Variants in CNKSR2 observed in about 807,000 individuals in gnomAD.
CNKSR2 encodes the protein CNK homolog protein 2.
A neutral mutation model predicts 84.4 loss-of-function variants in CNKSR2; 14 were observed. The ratio of observed to expected loss-of-function variants is 0.17; its 90% CI spans 0.11 to 0.26. The LOEUF is 0.26. Among genes scored for constraint, CNKSR2 ranks in the 10% least tolerant of loss-of-function variants. The probability of loss-of-function intolerance (pLI) is 1.00; values close to 1 mark genes in which losing one functional copy is unlikely to be tolerated. For synonymous variants in CNKSR2, 275 were observed against 277.9 expected, an observed-to-expected ratio of 0.99 and a Z score of 0.10; for missense variants, 485 against 771.2, an observed-to-expected ratio of 0.63 and a Z score of 4.40.
At chrX:21,393,395 C>T (rs1336176118) in intron 1 of CNKSR2, among the ~76,000 whole-genome samples, 1 of 112,071 alleles carries the variant, frequency 8.9e-6, no homozygotes, top group Admixed American at 9.4e-5. Context: ...CAACCTGTGT[C>T]AATTATACAT....
intron 18 of CNKSR2, among the ~76,000 whole-genome samples, chrX:21,602,199 C>T (rs1002604917): frequency 1.3e-4 from 14 of 110,962 alleles, no homozygotes; most frequent in Non-Finnish European, 1.9e-4. Context: ...AGTGCGGTGG[C>T]GTGATCTTGA....
intron 18 of CNKSR2, among the ~76,000 whole-genome samples, chrX:21,603,842 GAA>G (rs758961307): frequency 4.5e-5 from 5 of 111,019 alleles, no homozygotes; most frequent in African/African-American, 1.6e-4. Flanking sequence ...AGTTCTAAAT[GAA>G]AAAGTCTTTT....
intron 12 of CNKSR2, among the ~76,000 whole-genome samples, chrX:21,561,945 C>T (rs186660720): frequency 3.9e-4 from 43 of 109,791 alleles, no homozygotes; most frequent in Admixed American, 1.5e-3. Context: ...ATGGAATCAA[C>T]CTCAAAATGA....
intron 13 of CNKSR2, among the ~76,000 whole-genome samples, chrX:21,573,612 C>A (rs772675622): frequency 1.8e-5 from 2 of 112,169 alleles, no homozygotes; most frequent in South Asian, 3.7e-4. Flanking sequence ...GGGGCTTGCA[C>A]CCTCTGAAGC....
intron 17 of CNKSR2, among the ~76,000 whole-genome samples, chrX:21,600,937 GCATTT>G (rs2092478094): frequency 8.9e-6 from 1 of 112,217 alleles, no homozygotes; most frequent in Non-Finnish European, 1.9e-5. Context: ...CTCTAAAGGA[GCATTT>G]GCTCTGAAGA....
intron 18 of CNKSR2, 31 bp downstream of exon 18, chrX:21,601,380 T>G (rs2092481055): frequency 1.1e-6 from 1 of 896,684 alleles, no homozygotes; most frequent in Admixed American, 2.7e-5. Flanking sequence ...AATAATTATG[T>G]TATACTTTTT....
At chrX:21,375,713 TAAGGTG>T (rs995081627) in intron 1 of CNKSR2, among the ~76,000 whole-genome samples, 5 of 112,350 alleles carry the variant, frequency 4.5e-5, no homozygotes, top group African/African-American at 1.6e-4. Flanking sequence ...ACGCCAGATG[TAAGGTG>T]ATGCGCATTC....
chrX:21,439,952 A>C (rs77928974), intron 3 of CNKSR2, among the ~76,000 whole-genome samples: 191 of 108,469 alleles, frequency 1.8e-3, no homozygotes, highest in East Asian at 0.011. Context: ...CCTCCCCCCC[A>C]AAAAAAAACT....
intron 20 of CNKSR2, among the ~76,000 whole-genome samples, chrX:21,623,150 T>C (rs935135566): frequency 9.0e-6 from 1 of 111,706 alleles, no homozygotes; most frequent in Non-Finnish European, 1.9e-5. Flanking sequence ...CCATATTCTT[T>C]AGTCAACTGT....
chrX:21,441,669 A>T (rs1281209572), intron 4 of CNKSR2, among the ~76,000 whole-genome samples: 1 of 111,846 alleles, frequency 8.9e-6, no homozygotes, highest in Non-Finnish European at 1.9e-5. Flanking sequence ...TTCAGCCATT[A>T]TATACATACT....
intron 4 of CNKSR2, among the ~76,000 whole-genome samples, chrX:21,454,289 G>T (rs2090971230): frequency 8.9e-6 from 1 of 111,866 alleles, no homozygotes; most frequent in Non-Finnish European, 1.9e-5. Flanking sequence ...TGAAATTTCG[G>T]TTTCCTAATA....
At chrX:21,500,787 A>T (rs1379797634) in intron 7 of CNKSR2, among the ~76,000 whole-genome samples, 2 of 111,328 alleles carry the variant, frequency 1.8e-5, no homozygotes, top group African/African-American at 6.5e-5. Flanking sequence ...TGCATTCTAT[A>T]GAAATATTGG....
intron 1 of CNKSR2, among the ~76,000 whole-genome samples, chrX:21,406,273 A>G (rs1049981644): frequency 2.7e-5 from 3 of 111,090 alleles, no homozygotes; most frequent in African/African-American, 9.8e-5. Flanking sequence ...TCATCCTGAA[A>G]CCATCCCCCC....
At chrX:21,623,980 A>G (rs1306904430) in intron 20 of CNKSR2, among the ~76,000 whole-genome samples, 1 of 111,795 alleles carries the variant, frequency 8.9e-6, no homozygotes, top group Non-Finnish European at 1.9e-5. Context: ...TACACAAATG[A>G]TTCACTGTTT....
intron 13 of CNKSR2, among the ~76,000 whole-genome samples, chrX:21,569,017 C>T (rs2092263411): frequency 9.0e-6 from 1 of 111,678 alleles, no homozygotes; most frequent in South Asian, 3.7e-4. Flanking sequence ...TTCCAGACAA[C>T]CACAATAAAG....
intron 7 of CNKSR2, among the ~76,000 whole-genome samples, chrX:21,499,311 T>C (rs1329748362): frequency 9.0e-6 from 1 of 111,667 alleles, no homozygotes; most frequent in Non-Finnish European, 1.9e-5. Context: ...AATAACTAGT[T>C]TGGTGCCATC....
chrX:21,463,864 C>A lies in CNKSR2; in HGVS notation c.520-6902C>A, dbSNP rs557164300. Among the ~76,000 whole-genome samples, 51 of 111,420 alleles carry A rather than the reference C, an allele frequency of 4.6e-4. No individual in the cohort carries two copies. The South Asian group carries it at 0.019, about 42-fold the overall frequency. On this transcript the variant is annotated intron_variant, in intron 4 of 21. Transcript: ENST00000379510. The stretch of plus-strand genomic sequence containing the variant: ...TCCCCACTCTTCCATTTCCTCTCCC[C>A]AAGTGAAAGGAAGGGGCCTTCTTTG...
chrX:21,568,140 T>A (rs1044487357), intron 13 of CNKSR2, among the ~76,000 whole-genome samples: 7 of 110,396 alleles, frequency 6.3e-5, no homozygotes, highest in African/African-American at 2.0e-4. Flanking sequence ...ATACAAAAAT[T>A]AGCTGGATGT....
chrX:21,455,688 C>G (rs1365884932), intron 4 of CNKSR2, among the ~76,000 whole-genome samples: 1 of 112,061 alleles, frequency 8.9e-6, no homozygotes, highest in Admixed American at 9.4e-5. Context: ...CTGCTTATAC[C>G]CCTTCAGGGG....
Sources: allele counts gnomAD v4.1 joint callset (sites outside exome capture counted in the v4.1 genomes callset), GRCh38; gene constraint gnomAD v4.1.1; transcripts MANE v1.5; gene names NCBI Gene and HGNC (gene_info 2026-07-23, HGNC 2026-07-21).